The following PLA2G4C variants were observed in gnomAD, a reference collection of about 807,000 sequenced individuals.
The protein encoded by PLA2G4C is cytosolic phospholipase A2 gamma.
A neutral mutation model predicts 73.8 loss-of-function variants in PLA2G4C; 64 were observed. The observed-to-expected ratio is 0.87, with a 90% confidence interval of 0.71 to 1.07. PLA2G4C has a LOEUF of 1.07. PLA2G4C is among the 50% of genes least tolerant of loss of function. PLA2G4C has a pLI of 0.00. For synonymous variants in PLA2G4C, 254 were observed against 252.1 expected (o/e 1.01, Z -0.07); for missense variants, 622 against 665.4 (o/e 0.93, Z 0.72).
chr19:48,105,549 C>A (rs1316105853), intron 2 of PLA2G4C, 105 bp from the exon 3 acceptor site: 2 of 770,802 alleles, frequency 2.6e-6, no homozygotes, highest in Non-Finnish European at 4.4e-6. Flanking sequence ...AGCCACCAGC[C>A]CACGGGTACA....
chr19:48,091,930 G>A (rs2031327009), intron 7 of PLA2G4C, among the ~76,000 whole-genome samples: 2 of 149,962 alleles, frequency 1.3e-5, no homozygotes, highest in South Asian at 4.2e-4. Context: ...CATTAGGATG[G>A]CTGGTATCCA....
At chr19:48,079,403 A>C (rs1452144548) in intron 10 of PLA2G4C, among the ~76,000 whole-genome samples, 1 of 152,172 alleles carries the variant, frequency 6.6e-6, no homozygotes, top group Non-Finnish European at 1.5e-5. Context: ...CAAAGCAAAC[A>C]AAAACATAAA....
chr19:48,095,371 T>C, intron 7 of PLA2G4C, 93 bp downstream of exon 7: 1 of 1,214,442 alleles, frequency 8.2e-7, no homozygotes, highest in African/African-American at 1.5e-5. Flanking sequence ...CCAAGAAATT[T>C]AAGAGCTGGG....
At chr19:48,103,868 CAG>C (rs1283299469) in intron 4 of PLA2G4C, among the ~76,000 whole-genome samples, 1 of 151,932 alleles carries the variant, frequency 6.6e-6, no homozygotes, top group Admixed American at 6.6e-5. Flanking sequence ...CTTCCTGGTG[CAG>C]AGTTCCTAAA....
chr19:48,090,469 A>G (rs1459798683), intron 7 of PLA2G4C, 52 bp from the exon 8 acceptor site: 2 of 1,317,246 alleles, frequency 1.5e-6, no homozygotes, highest in Non-Finnish European at 2.2e-6. Context: ...CGTGACTGTC[A>G]TGTTTGATAT....
intron 1 of PLA2G4C, among the ~76,000 whole-genome samples, chr19:48,108,218 T>C (rs2032326566): frequency 6.6e-6 from 1 of 152,180 alleles, no homozygotes; most frequent in Non-Finnish European, 1.5e-5. Context: ...CACTGCAGCC[T>C]CCAACTCTTG....
At chr19:48,075,946 A>G (rs2115298) in intron 11 of PLA2G4C, among the ~76,000 whole-genome samples, 40,097 of 152,212 alleles carry the variant, frequency 0.26, 5,789 homozygotes, top group East Asian at 0.52. Flanking sequence ...GTGAATGCTG[A>G]TGTCAAAAAA....
At chr19:48,097,087 G>A (rs141927949) in intron 6 of PLA2G4C, 13,111 of 147,664 alleles carry the variant, frequency 0.089, 1,433 homozygotes, top group African/African-American at 0.25. Context: ...CCTGGGAGGC[G>A]GAGGTTGTGG....
intron 10 of PLA2G4C, among the ~76,000 whole-genome samples, chr19:48,084,000 T>G (rs1342275132): frequency 6.6e-6 from 1 of 151,490 alleles, no homozygotes; most frequent in Non-Finnish European, 1.5e-5. Context: ...CTTCAGGTCA[T>G]TCAAAGGGTT....
chr19:48,077,454 C>T (rs910250987), intron 11 of PLA2G4C, among the ~76,000 whole-genome samples: 1 of 152,040 alleles, frequency 6.6e-6, no homozygotes, highest in African/African-American at 2.4e-5. Context: ...ATGACACAAA[C>T]AAATGGAAAC....
intron 10 of PLA2G4C, among the ~76,000 whole-genome samples, chr19:48,080,772 C>A (rs113421404): frequency 1.6e-4 from 24 of 149,796 alleles, no homozygotes; most frequent in Admixed American, 2.7e-4. Context: ...CCACTGCATT[C>A]CAGCCTGGGC....
In PLA2G4C at chr19:48,110,564, C is replaced by CGG; in HGVS notation, c.-111_-110insCC. ...AATCCGGTGCGGAGGCTTGGGCTCC[C>CGG]TGCGCTTAGCGGTGTAGTCGCTGGA... On this transcript the variant is annotated 5_prime_UTR_variant, in exon 1 of 17. Coordinates refer to ENST00000599921, the MANE Select transcript of PLA2G4C (RefSeq NM_003706.3). The CGG allele has an allele frequency of 2.5e-6, 1 of 403,518 alleles. No homozygotes were observed. The highest frequency in any genetic ancestry group is 4.1e-5 in the South Asian group (1 of 24,482). 25.0% of individuals were successfully genotyped at this position (403,518 alleles called of 1,614,324 possible).
At chr19:48,106,230 G>A (rs1297199202) in intron 2 of PLA2G4C, among the ~76,000 whole-genome samples, 1 of 151,196 alleles carries the variant, frequency 6.6e-6, no homozygotes, top group Non-Finnish European at 1.5e-5. Context: ...CTACAGGTGT[G>A]TACCACTATG....
chr19:48,086,272 G>C (rs2122608936), intron 9 of PLA2G4C, among the ~76,000 whole-genome samples: 1 of 152,310 alleles, frequency 6.6e-6, no homozygotes, highest in South Asian at 2.1e-4. Context: ...ACCACTGCCA[G>C]TGGAACAGGG....
intron 15 of PLA2G4C, among the ~76,000 whole-genome samples, chr19:48,054,158 G>T (rs990590343): frequency 6.6e-6 from 1 of 152,142 alleles, no homozygotes. Context: ...TGGTGATATG[G>T]TTTGGCTGTG....
At chr19:48,086,783 A>G (rs11564575) in intron 9 of PLA2G4C, among the ~76,000 whole-genome samples, 4,187 of 152,250 alleles carry the variant, frequency 0.028, 153 homozygotes, top group African/African-American at 0.084. Context: ...TCACCACTGC[A>G]TGCACCACTC....
intron 13 of PLA2G4C, among the ~76,000 whole-genome samples, chr19:48,066,834 T>C (rs1397242593): frequency 6.6e-6 from 1 of 151,924 alleles, no homozygotes; most frequent in Admixed American, 6.6e-5. Flanking sequence ...CCAGGCATGG[T>C]GCTGTGTGCC....
intron 12 of PLA2G4C, among the ~76,000 whole-genome samples, chr19:48,071,423 T>C (rs1968653670): frequency 6.6e-6 from 1 of 152,122 alleles, no homozygotes; most frequent in South Asian, 2.1e-4. Flanking sequence ...CCCAAGTAGC[T>C]AGGATTACAG....
At chr19:48,095,350 T>C in intron 7 of PLA2G4C, 114 bp downstream of exon 7, 4 of 987,058 alleles carry the variant, frequency 4.1e-6, no homozygotes, top group Non-Finnish European at 6.2e-6. Context: ...TACCAAGTCC[T>C]TTTCTTTCCC....
Sources: allele counts gnomAD v4.1 joint callset (sites outside exome capture counted in the v4.1 genomes callset), GRCh38; gene constraint gnomAD v4.1.1; transcripts MANE v1.5; gene names NCBI Gene and HGNC (gene_info 2026-07-23, HGNC 2026-07-21).